Variants in NAA16 observed in about 807,000 individuals in gnomAD.
NAA16 encodes N-alpha-acetyltransferase 16, NatA auxiliary subunit.
NAA16 carries 97 observed loss-of-function variants against 110.3 expected under a neutral mutation model. The observed-to-expected ratio is 0.88, with a 90% CI of 0.75 to 1.04. The LOEUF (loss-of-function observed/expected upper bound fraction) is 1.04, where lower values mean the gene tolerates loss of function less well. Ranked by LOEUF, NAA16 falls within the 50% of genes least tolerant of loss-of-function variation. The probability of loss-of-function intolerance (pLI) is 0.00; values close to 1 mark genes in which losing one functional copy is unlikely to be tolerated. For synonymous variants in NAA16, 372 were observed against 330.6 expected, an observed-to-expected ratio of 1.13 and a Z score of -1.36; for missense variants, 1,017 against 1,005.1, an observed-to-expected ratio of 1.01 and a Z score of -0.16.
chr13:41,318,098 TG>T (rs1356591307), intron 2 of NAA16, among the ~76,000 whole-genome samples: 1 of 152,226 alleles, frequency 6.6e-6, no homozygotes, highest in Non-Finnish European at 1.5e-5. Context: ...TGAGTGTTTT[TG>T]TGTGGTTGTA....
intron 3 of NAA16, 96 bp from the exon 4 acceptor site, chr13:41,320,571 G>GGC: frequency 8.2e-7 from 1 of 1,214,048 alleles, no homozygotes; most frequent in East Asian, 2.7e-5. Context: ...ACAAATCCCA[G>GGC]GCAAAATACC....
chr13:41,366,691 C>G (rs2043213747), intron 13 of NAA16, among the ~76,000 whole-genome samples: 1 of 152,070 alleles, frequency 6.6e-6, no homozygotes, highest in Non-Finnish European at 1.5e-5. Context: ...TTCAGAACTT[C>G]TGCTAAAATG....
rs778140884 is a variant in NAA16 at position 41,372,728 on chromosome 13, A to C, written c.2057-4A>C. On this transcript the variant is annotated splice_region_variant and splice_polypyrimidine_tract_variant and intron_variant, in intron 16 of 19. Coordinates refer to ENST00000379406, the MANE Select transcript of NAA16 (RefSeq NM_024561.5). ...CTATTACTTTTGTATTTTTTCTGACACAGGAAAGTTTCTGTTAATGCTGCA... is the reference window on the plus strand; with the variant it reads ...CTATTACTTTTGTATTTTTTCTGACCCAGGAAAGTTTCTGTTAATGCTGCA... The C allele has an allele frequency of 6.3e-7, 1 of 1,587,222 alleles. No individual in the cohort carries two copies. Among genetic ancestry groups the C allele is most frequent in the South Asian group, 1.2e-5 (1 of 86,672 alleles).
At chr13:41,331,805 C>T (rs2042246492) in intron 8 of NAA16, among the ~76,000 whole-genome samples, 1 of 152,046 alleles carries the variant, frequency 6.6e-6, no homozygotes, top group African/African-American at 2.4e-5. Context: ...GAAATGTTCG[C>T]AGCACATAGA....
intron 6 of NAA16, 110 bp from the exon 7 acceptor site, chr13:41,328,612 TAC>T: frequency 2.3e-6 from 2 of 863,354 alleles, no homozygotes; most frequent in Non-Finnish European, 3.5e-6. Flanking sequence ...AGGGGAAGCA[TAC>T]AGAGTTCTGT....
In NAA16 at chr13:41,376,856, A is replaced by G. The variant is rs769546670; in HGVS notation, c.*1254A>G. On this transcript the variant is annotated 3_prime_UTR_variant, in exon 20 of 20. Transcript: ENST00000379406. ...AGAACCTTGTAAATATGTCTGTAATATTAATGCTTCCCTTTATTAAGACAA... is the reference window on the plus strand; with the variant it reads ...AGAACCTTGTAAATATGTCTGTAATGTTAATGCTTCCCTTTATTAAGACAA... 4 of 152,330 alleles carry G rather than the reference A, an allele frequency of 2.6e-5. No individual in the cohort carries two copies. The highest frequency in any genetic ancestry group is 4.8e-5 in the African/African-American group (2 of 41,584). The allele number at this position is 152,330 out of a possible 1,614,324, so 9.4% of individuals were successfully genotyped here.
chr13:41,372,917 TTAA>T (rs1407416333), intron 17 of NAA16, 87 bp downstream of exon 17: 17 of 1,271,872 alleles, frequency 1.3e-5, no homozygotes, highest in Non-Finnish European at 1.7e-5. Flanking sequence ...TGATAAATAT[TTAA>T]TAACCCTCTC....
intron 8 of NAA16, among the ~76,000 whole-genome samples, chr13:41,336,360 T>C (rs911183895): frequency 2.6e-5 from 4 of 152,178 alleles, no homozygotes; most frequent in Non-Finnish European, 5.9e-5. Context: ...CTTTTGGCTA[T>C]CACTTGAATA....
In NAA16 at chr13:41,339,132, G is replaced by T. The variant is rs1299855696; in HGVS notation, c.1014+2376G>T. ...TGTATTTCTTGTTTTTGTTGTTGTT[G>T]TTTGTTTGTTTGTTTGTTTGTTTTT... On this transcript the variant is annotated intron_variant, in intron 9 of 19. Coordinates refer to ENST00000379406, the MANE Select transcript of NAA16 (RefSeq NM_024561.5). Among the ~76,000 whole-genome samples, 139 of 53,946 alleles carry T rather than the reference G, an allele frequency of 2.6e-3. 1 individual carries two copies. Among genetic ancestry groups the T allele is most frequent in the Admixed American group, 7.0e-3 (44 of 6,270 alleles). The allele number at this position is 53,946 out of a possible 152,430, so 35.4% of individuals were successfully genotyped here.
chr13:41,324,599 C>A (rs1292310854), intron 5 of NAA16, among the ~76,000 whole-genome samples: 1 of 151,538 alleles, frequency 6.6e-6, no homozygotes. Flanking sequence ...TGGTCTCAAA[C>A]TCCTGACCTT....
chr13:41,341,380 CT>C (rs1343390174), intron 9 of NAA16, among the ~76,000 whole-genome samples: 2 of 152,036 alleles, frequency 1.3e-5, no homozygotes, highest in Non-Finnish European at 2.9e-5. Context: ...TTTAAATGTT[CT>C]GGTAATATGT....
chr13:41,367,847 G>A (rs1169269243), intron 14 of NAA16, among the ~76,000 whole-genome samples, 195 bp downstream of exon 14: 1 of 152,184 alleles, frequency 6.6e-6, no homozygotes, highest in African/African-American at 2.4e-5. Context: ...GTAGCTGATG[G>A]TTCTAAATTA....
At chr13:41,319,525 G>GT (rs1411751052) in intron 3 of NAA16, among the ~76,000 whole-genome samples, 1 of 151,242 alleles carries the variant, frequency 6.6e-6, no homozygotes, top group Non-Finnish European at 1.5e-5. Flanking sequence ...ATTTTTTTTT[G>GT]TTTTTTGGGG....
chr13:41,339,545 TTTTG>T (rs925417520), intron 9 of NAA16, among the ~76,000 whole-genome samples: 4 of 152,082 alleles, frequency 2.6e-5, no homozygotes, highest in East Asian at 1.9e-4. Flanking sequence ...CATAACTTTT[TTTTG>T]TTTGTTTGTT....
intron 9 of NAA16, among the ~76,000 whole-genome samples, chr13:41,353,203 T>A (rs1481446734): frequency 3.9e-5 from 6 of 152,180 alleles, no homozygotes; most frequent in Non-Finnish European, 8.8e-5. Context: ...GGTTGCAGTT[T>A]TAGCAACTAC....
rs1190458546 is a variant in NAA16 at position 41,323,425 on chromosome 13, G to A, written c.537+235G>A. ...GAGTGCAGTGGCACGATCTCGGCTT[G>A]CTGCAAGCTCTGCCTCCCGGGTTCA... On this transcript the variant is annotated intron_variant, in intron 5 of 19. Transcript: ENST00000379406. Among the ~76,000 whole-genome samples, 9 of 149,070 alleles carry A rather than the reference G, an allele frequency of 6.0e-5. No individual in the cohort carries two copies. The South Asian group carries it at 1.7e-3, about 28-fold the overall frequency.
At chr13:41,348,426 G>A (rs1229981163) in intron 9 of NAA16, among the ~76,000 whole-genome samples, 1 of 152,098 alleles carries the variant, frequency 6.6e-6, no homozygotes, top group Non-Finnish European at 1.5e-5. Flanking sequence ...ACCTTTCAAA[G>A]TGCTGGGATT....
At chr13:41,331,228 TA>T in intron 7 of NAA16, 45 bp from the exon 8 acceptor site, 1 of 1,169,810 alleles carries the variant, frequency 8.5e-7, no homozygotes, top group Non-Finnish European at 1.2e-6. Flanking sequence ...TTACCATAGA[TA>T]AAAGTTTTGA....
At position 41,373,670 on chromosome 13, in the gene NAA16, G is replaced by A. The variant is rs751641387; in HGVS notation, c.2189G>A (p.Ser730Asn). 6.2e-7 allele frequency: 1 copy of A among 1,608,408 alleles called. No individual in the cohort carries two copies. The highest frequency in any genetic ancestry group is 1.7e-5 in the Admixed American group (1 of 59,036). Residue 730 changes from serine to asparagine, a missense_variant, in exon 18 of 20, where the codon AGC (serine) becomes AAC (asparagine). Ser to Asn is a conservative substitution (Grantham distance 46). Transcript: ENST00000379406. ...CATAGTAATCTTCCAGACATTGTGA[G>A]CAAAGTTCTATCTCAAGAAATGCAG... ...SNHSNLPDIV[S>N]KVLSQEMQKI... is the part of the protein sequence containing the mutation.
Sources: allele counts gnomAD v4.1 joint callset (sites outside exome capture counted in the v4.1 genomes callset), GRCh38; gene constraint gnomAD v4.1.1; transcripts MANE v1.5; gene names NCBI Gene and HGNC (gene_info 2026-07-23, HGNC 2026-07-21).